The following TPO variants were observed in gnomAD, a reference collection of about 807,000 sequenced individuals.
TPO encodes the protein thyroid peroxidase.
Under a neutral mutation model 96.9 loss-of-function variants are expected in TPO, and 78 were observed. The observed-to-expected ratio is 0.81, with a 90% CI of 0.67 to 0.97. The LOEUF is 0.97. TPO is among the 50% of genes least tolerant of loss of function. The probability of loss-of-function intolerance (pLI) is 0.00; values close to 1 mark genes in which losing one functional copy is unlikely to be tolerated. For synonymous variants in TPO, 547 were observed against 538.0 expected (o/e 1.02, Z -0.23); for missense variants, 1,252 against 1,274.8 (o/e 0.98, Z 0.27).
chr2:1,503,074 A>C (rs1171259719), intron 13 of TPO, among the ~76,000 whole-genome samples: 2 of 152,182 alleles, frequency 1.3e-5, no homozygotes, highest in South Asian at 2.1e-4. Flanking sequence ...CCTGTGGCCT[A>C]TGTGGACCCC....
At chr2:1,404,071 G>C (rs147087610) in intron 1 of TPO, among the ~76,000 whole-genome samples, 2,502 of 152,330 alleles carry the variant, frequency 0.016, 72 homozygotes, top group South Asian at 0.11. Flanking sequence ...CATAGCTATG[G>C]ATCTCCCGAG....
chr2:1,510,302 A>G (rs1022055875), intron 14 of TPO, among the ~76,000 whole-genome samples: 3 of 152,206 alleles, frequency 2.0e-5, no homozygotes, highest in African/African-American at 7.2e-5. Context: ...GCGGATTCAG[A>G]ACCCTGCTCA....
intron 7 of TPO, among the ~76,000 whole-genome samples, chr2:1,476,842 G>A (rs547779643): frequency 6.7e-6 from 1 of 149,258 alleles, no homozygotes; most frequent in African/African-American, 2.5e-5. Flanking sequence ...GACCACCGGT[G>A]AGCAGGCCAG....
At chr2:1,433,296 A>T in intron 3 of TPO, 142 bp from the exon 4 acceptor site, 1 of 1,008,488 alleles carries the variant, frequency 9.9e-7, no homozygotes, top group Non-Finnish European at 1.5e-6. Flanking sequence ...CACATGTTTT[A>T]CCTGTGCACA....
upstream of TPO, among the ~76,000 whole-genome samples, chr2:1,412,475 C>A (rs2148392960): frequency 6.6e-6 from 1 of 152,280 alleles, no homozygotes; most frequent in Non-Finnish European, 1.5e-5. Context: ...GCTTGTCTAA[C>A]TCATTTGTTA....
chr2:1,462,009 GTCC>G (rs1668492049), intron 7 of TPO, among the ~76,000 whole-genome samples: 1 of 152,194 alleles, frequency 6.6e-6, no homozygotes, highest in South Asian at 2.1e-4. Flanking sequence ...ACTCTCCAGT[GTCC>G]TCCTTTCTTT....
At chr2:1,425,749 A>G (rs2148458556) in intron 3 of TPO, among the ~76,000 whole-genome samples, 1 of 152,218 alleles carries the variant, frequency 6.6e-6, no homozygotes. Context: ...CTGTAAAGTC[A>G]TTGTTCTAGA....
Position 1,540,982 on chromosome 2 carries a change from G to A in TPO, c.2748+259G>A, listed in dbSNP as rs983516114. 1.3e-5 allele frequency: 19 copies of A among 1,449,810 alleles called. No homozygotes were observed. The Admixed American group carries it at 1.7e-4, about 13-fold the overall frequency. The allele number at this position is 1,449,810 out of a possible 1,614,324, so 89.8% of individuals were successfully genotyped here. A position where few individuals can be genotyped will look rare whatever the true frequency, so the allele number is the denominator to read the frequency against. The stretch of plus-strand genomic sequence containing the variant: ...CAAAACTAAGGGCTCACTTTCAGGC[G>A]TTTGCTTCCACTTAATCTGAGGATC... On this transcript the variant is annotated intron_variant, in intron 16 of 16. Coordinates refer to ENST00000329066, the MANE Select transcript of TPO (RefSeq NM_001206744.2).
chr2:1,524,376 C>G (rs1411755922), intron 15 of TPO, among the ~76,000 whole-genome samples: 1 of 141,996 alleles, frequency 7.0e-6, no homozygotes, highest in Non-Finnish European at 1.5e-5. Flanking sequence ...TTCAACCTCC[C>G]CAAATCCCCC....
chr2:1,387,918 T>C (rs542117612), intron 1 of TPO, among the ~76,000 whole-genome samples: 1 of 152,330 alleles, frequency 6.6e-6, no homozygotes, highest in East Asian at 1.9e-4. Flanking sequence ...TTGTTAGTTT[T>C]CCCTCTAACA....
chr2:1,494,441 C>G (rs1287984848), intron 11 of TPO, among the ~76,000 whole-genome samples: 2 of 152,254 alleles, frequency 1.3e-5, no homozygotes, highest in Non-Finnish European at 2.9e-5. Context: ...GCCCGGTGCT[C>G]ATGGATGCCT....
intron 13 of TPO, chr2:1,503,746 G>A (rs1470493504): frequency 1.1e-6 from 1 of 914,922 alleles, no homozygotes; most frequent in East Asian, 2.6e-5. Context: ...CAGAGCCCGT[G>A]GCCAGCGCAC....
At position 1,542,753 on chromosome 2, in the gene TPO, A is replaced by G; in HGVS notation, c.*279A>G. 1 of 873,390 alleles carries G rather than the reference A, an allele frequency of 1.1e-6. No individual in the cohort carries two copies. The highest frequency in any genetic ancestry group is 1.7e-6 in the Non-Finnish European group (1 of 587,578). The allele number at this position is 873,390 out of a possible 1,614,324, so 54.1% of individuals were successfully genotyped here. A position where few individuals can be genotyped will look rare whatever the true frequency, so the allele number is the denominator to read the frequency against. On this transcript the variant is annotated 3_prime_UTR_variant, in exon 17 of 17. Transcript: ENST00000329066. ...CACATCTTTATTTTGTGAACCCTGG[A>G]AACACCACTCTTGCAATCCTCCTGT...
upstream of TPO, among the ~76,000 whole-genome samples, chr2:1,409,153 G>A (rs74740372): frequency 0.019 from 2,826 of 152,244 alleles, 68 homozygotes; most frequent in African/African-American, 0.061. Context: ...CAGAGTCCAT[G>A]AGAGGAGCCT....
At chr2:1,385,447 T>C (rs574302948) in intron 1 of TPO, among the ~76,000 whole-genome samples, 10 of 152,294 alleles carry the variant, frequency 6.6e-5, no homozygotes, top group Non-Finnish European at 1.2e-4. Flanking sequence ...GGAGAATGTG[T>C]GTGTCGAGTA....
intron 1 of TPO, 47 bp downstream of exon 1, chr2:1,413,592 A>G (rs1056059638): frequency 3.5e-6 from 3 of 856,502 alleles, no homozygotes; most frequent in Non-Finnish European, 4.2e-6. Context: ...AGAGAAATTC[A>G]TCATTGGAAC....
intron 10 of TPO, among the ~76,000 whole-genome samples, chr2:1,492,444 C>A (rs1045951623): frequency 4.6e-5 from 7 of 152,040 alleles, no homozygotes; most frequent in Admixed American, 4.6e-4. Context: ...CATGAGCCAC[C>A]GCACCTGGCC....
intron 1 of TPO, among the ~76,000 whole-genome samples, chr2:1,402,933 G>A (rs1402156024): frequency 6.6e-6 from 1 of 152,174 alleles, no homozygotes. Context: ...TTCCACCAGT[G>A]GTGAATGTGT....
At chr2:1,539,863 G>GTATT (rs1200688984) in intron 15 of TPO, among the ~76,000 whole-genome samples, 13 of 147,146 alleles carry the variant, frequency 8.8e-5, no homozygotes, top group African/African-American at 3.0e-4. Flanking sequence ...CAGCAGCTCA[G>GTATT]TATTTGGGGA....
Sources: allele counts gnomAD v4.1 joint callset (sites outside exome capture counted in the v4.1 genomes callset), GRCh38; gene constraint gnomAD v4.1.1; transcripts MANE v1.5; gene names NCBI Gene and HGNC (gene_info 2026-07-23, HGNC 2026-07-21).